MAP2K5: variants seen among roughly 807,000 people sequenced by gnomAD.
MAP2K5 encodes dual specificity mitogen-activated protein kinase kinase 5.
In MAP2K5, 49 loss-of-function variants were observed where a neutral mutation model predicts 83.1. The observed-to-expected ratio is 0.59, with a 90% CI of 0.47 to 0.75. The LOEUF (loss-of-function observed/expected upper bound fraction) is 0.75, where lower values mean the gene tolerates loss of function less well. Ranked by LOEUF, MAP2K5 falls within the 30% of genes least tolerant of loss-of-function variation. The probability of loss-of-function intolerance (pLI) is 0.00; values close to 1 mark genes in which losing one functional copy is unlikely to be tolerated. For synonymous variants in MAP2K5, 202 were observed against 191.8 expected (o/e 1.05, Z -0.44); for missense variants, 457 against 557.5 (o/e 0.82, Z 1.82).
At chr15:67,611,336 A>C (rs1045447030) in intron 8 of MAP2K5, among the ~76,000 whole-genome samples, 2 of 152,162 alleles carry the variant, frequency 1.3e-5, no homozygotes, top group African/African-American at 4.8e-5. Context: ...GTTTGTGTAC[A>C]CCATTTGTTT....
chr15:67,642,428 T>A, intron 9 of MAP2K5: 1 of 1,610,652 alleles, frequency 6.2e-7, no homozygotes, highest in Non-Finnish European at 8.5e-7. Context: ...AGATGAGGGA[T>A]GCATGCTCAA....
chr15:67,727,720 A>G (rs1348269923), intron 16 of MAP2K5, among the ~76,000 whole-genome samples, 196 bp from the exon 17 acceptor site: 1 of 152,254 alleles, frequency 6.6e-6, no homozygotes, highest in East Asian at 1.9e-4. Context: ...TCAGGGGTGC[A>G]ACATCGTCCA....
At chr15:67,630,521 T>C (rs144127068) in intron 8 of MAP2K5, among the ~76,000 whole-genome samples, 1 of 152,148 alleles carries the variant, frequency 6.6e-6, no homozygotes, top group African/African-American at 2.4e-5. Context: ...AGAACCCACA[T>C]GCACAGTGAC....
rs1180648636 is a variant in MAP2K5 at position 67,736,397 on chromosome 15, T to C, written c.1074+8452T>C. ...CTGGGGAGGAATTGTCATGATCAAA[T>C]GGACTAATGCCTAAGAGAGCACTTT... On this transcript the variant is annotated intron_variant, in intron 17 of 21. Coordinates refer to ENST00000178640, the MANE Select transcript of MAP2K5 (RefSeq NM_145160.3). The surrounding 1 kb of genome is among the most constrained non-coding windows in gnomAD (Gnocchi z 4.3). Among the ~76,000 whole-genome samples, 1 of 152,206 alleles carries C rather than the reference T, an allele frequency of 6.6e-6. No individual in the cohort carries two copies. Among genetic ancestry groups the C allele is most frequent in the Non-Finnish European group, 1.5e-5 (1 of 68,036 alleles).
chr15:67,699,986 A>AAG (rs1330429824), intron 15 of MAP2K5, among the ~76,000 whole-genome samples: 5 of 151,698 alleles, frequency 3.3e-5, no homozygotes, highest in Admixed American at 2.0e-4. Flanking sequence ...AAAAAAAAAA[A>AAG]AATCCTCATC....
chr15:67,622,974 C>T (rs955342933), intron 8 of MAP2K5, among the ~76,000 whole-genome samples: 1 of 151,980 alleles, frequency 6.6e-6, no homozygotes, highest in African/African-American at 2.4e-5. Flanking sequence ...TGGTGGTGGG[C>T]GCCTGTAGTC....
At chr15:67,674,483 GACTT>G in intron 13 of MAP2K5, among the ~76,000 whole-genome samples, 1 of 151,920 alleles carries the variant, frequency 6.6e-6, no homozygotes, top group East Asian at 1.9e-4. Flanking sequence ...GAAAAAAAAA[GACTT>G]AGCCCATTAA....
Position 67,790,699 on chromosome 15 carries a change from C to G in MAP2K5, c.1243-15947C>G, listed in dbSNP as rs562213418. 6.6e-6 allele frequency among the ~76,000 whole-genome samples: 1 copy of G among 150,722 alleles called. No homozygotes were observed. Among genetic ancestry groups the G allele is most frequent in the East Asian group, 1.9e-4 (1 of 5,162 alleles). ...GCCTTTAATTCTCTACTGCAGCTGT[C>G]AGGAGAGCCAGTCACATAAAAACAA... On this transcript the variant is annotated intron_variant, in intron 21 of 21. Coordinates refer to ENST00000178640, the MANE Select transcript of MAP2K5 (RefSeq NM_145160.3). This position sits in a 1 kb window ranked among gnomAD's most constrained non-coding sequence, Gnocchi z 4.6.
At chr15:67,799,863 C>A (rs189647468) in intron 21 of MAP2K5, among the ~76,000 whole-genome samples, 125 of 152,140 alleles carry the variant, frequency 8.2e-4, no homozygotes, top group African/African-American at 2.8e-3. Context: ...CTTTTATAGG[C>A]GAGGCCCTAG....
rs2088850340 is a variant in MAP2K5, at chr15:67,717,314, T to C, written c.1045-10602T>C. ...TATTTATTAAAAAGAAACACAAATA[T>C]TAACCTAATCTCCAGTATGTCTACT... On this transcript the variant is annotated intron_variant, in intron 16 of 21. Transcript: ENST00000178640. This position sits in a 1 kb window ranked among gnomAD's most constrained non-coding sequence, Gnocchi z 4.1. Among the ~76,000 whole-genome samples, 1 of 152,200 alleles carries C rather than the reference T, an allele frequency of 6.6e-6. No homozygotes were observed. The highest frequency in any genetic ancestry group is 2.4e-5 in the African/African-American group (1 of 41,448).
At chr15:67,788,673 T>C (rs1185844418) in intron 21 of MAP2K5, among the ~76,000 whole-genome samples, 1 of 152,214 alleles carries the variant, frequency 6.6e-6, no homozygotes, top group Admixed American at 6.5e-5. Flanking sequence ...AAAACTAGTT[T>C]TTAAATTATG....
At chr15:67,549,596 A>G (rs7164713) in intron 1 of MAP2K5, among the ~76,000 whole-genome samples, 1 of 152,142 alleles carries the variant, frequency 6.6e-6, no homozygotes, top group Non-Finnish European at 1.5e-5. Context: ...AAGTATTACC[A>G]GACCCATTTT....
intron 19 of MAP2K5, among the ~76,000 whole-genome samples, chr15:67,763,087 G>A (rs866616140): frequency 6.6e-6 from 1 of 152,058 alleles, no homozygotes; most frequent in Non-Finnish European, 1.5e-5. Context: ...ATGAGTAAAA[G>A]GCGGGCTTTC....
chr15:67,592,703 G>A (rs1183824662), intron 6 of MAP2K5, among the ~76,000 whole-genome samples: 4 of 152,110 alleles, frequency 2.6e-5, no homozygotes, highest in African/African-American at 4.8e-5. Flanking sequence ...CTTGACTGTA[G>A]GCTTCTTTAT....
chr15:67,806,909 G>A lies in MAP2K5; in HGVS notation c.*159G>A. On this transcript the variant is annotated 3_prime_UTR_variant, in exon 22 of 22. Coordinates refer to ENST00000178640, the MANE Select transcript of MAP2K5 (RefSeq NM_145160.3). ...GTCAGCAGGTGGCCTTGCCTGGGGAGCCCCATGTGTGGCCCACCCCACCAG... is the reference window on the plus strand; with the variant it reads ...GTCAGCAGGTGGCCTTGCCTGGGGAACCCCATGTGTGGCCCACCCCACCAG... The A allele has an allele frequency of 6.3e-7, 1 of 1,591,562 alleles. No homozygotes were observed. Among genetic ancestry groups the A allele is most frequent in the Non-Finnish European group, 8.5e-7 (1 of 1,176,924 alleles).
chr15:67,678,145 T>TTAG (rs1204959382), intron 13 of MAP2K5, among the ~76,000 whole-genome samples: 1 of 152,238 alleles, frequency 6.6e-6, no homozygotes, highest in Non-Finnish European at 1.5e-5. Flanking sequence ...TTCTCATTCA[T>TTAG]TAGAATGCAG....
At position 67,702,782 on chromosome 15, in the gene MAP2K5, C is replaced by T. The variant is rs145033678; in HGVS notation, c.973-555C>T. On this transcript the variant is annotated intron_variant, in intron 15 of 21. Transcript: ENST00000178640. The surrounding 1 kb of genome is among the most constrained non-coding windows in gnomAD (Gnocchi z 4.6). ...CTGATCAATGGAATGAAATGTTGAA[C>T]AGCAGATGAATCTGGGTAAAGGAAA... Among the ~76,000 whole-genome samples the T allele has an allele frequency of 3.6e-4, 55 of 152,260 alleles. No homozygotes were observed. The East Asian group carries it at 8.5e-3, about 23-fold the overall frequency.
In MAP2K5 at chr15:67,565,427, A is replaced by G. The variant is rs1030041439; in HGVS notation, c.252+2077A>G. On this transcript the variant is annotated intron_variant, in intron 3 of 21. Coordinates refer to ENST00000178640, the MANE Select transcript of MAP2K5 (RefSeq NM_145160.3). The surrounding 1 kb of genome is among the most constrained non-coding windows in gnomAD (Gnocchi z 4.1). ...GTATTTTTAGTAGAGACGGGGTTTC[A>G]TCATGTTGGCCAGGCTGGTCTCAAA... is the stretch of plus-strand genomic sequence containing the variant. Among the ~76,000 whole-genome samples, 34 of 152,048 alleles carry G rather than the reference A, an allele frequency of 2.2e-4. No homozygotes were observed. The highest frequency in any genetic ancestry group is 8.0e-4 in the African/African-American group (33 of 41,386).
intron 3 of MAP2K5, among the ~76,000 whole-genome samples, chr15:67,578,436 G>T (rs1219896269): frequency 1.3e-5 from 2 of 152,170 alleles, no homozygotes; most frequent in Non-Finnish European, 2.9e-5. Context: ...TCCCTTTACA[G>T]CATGTCCTTG....
Sources: gnomAD v4.1 joint callset for allele counts (sites outside exome capture counted in the v4.1 genomes callset) on GRCh38, gnomAD v4.1.1 for gene constraint, Gnocchi (gnomAD v3.1) non-coding constraint, MANE v1.5 for transcripts, NCBI Gene and HGNC (gene_info 2026-07-23, HGNC 2026-07-21) for gene names.